Variants in ACSL4 observed in about 807,000 individuals in gnomAD.
ACSL4 encodes the protein long-chain-fatty-acid--CoA ligase 4.
A neutral mutation model predicts 49.1 loss-of-function variants in ACSL4; 9 were observed. The ratio of observed to expected loss-of-function variants is 0.18; its 90% CI spans 0.11 to 0.32. The LOEUF (loss-of-function observed/expected upper bound fraction) is 0.32. ACSL4 is among the 10% of genes least tolerant of loss of function. The probability of loss-of-function intolerance (pLI) is 1.00; values close to 1 mark genes in which losing one functional copy is unlikely to be tolerated. For missense variants in ACSL4, 333 were observed against 493.7 expected, an observed-to-expected ratio of 0.67 and a Z score of 3.08; for synonymous variants, 191 against 170.3, an observed-to-expected ratio of 1.12 and a Z score of -0.95.
At chrX:109,679,411 T>C (rs150334597) in intron 6 of ACSL4, among the ~76,000 whole-genome samples, 1,881 of 112,650 alleles carry the variant, frequency 0.017, 29 homozygotes, top group African/African-American at 0.057. Context: ...TAAAAATCTT[T>C]ACACAAATTA....
At chrX:109,699,383 A>G (rs887747391) in intron 1 of ACSL4, among the ~76,000 whole-genome samples, 3 of 112,578 alleles carry the variant, frequency 2.7e-5, no homozygotes, top group Non-Finnish European at 3.8e-5. Context: ...GAAAGTTTTT[A>G]GCATTTAATG....
intron 1 of ACSL4, among the ~76,000 whole-genome samples, chrX:109,700,206 T>TC (rs1321854677): frequency 9.2e-5 from 4 of 43,456 alleles, no homozygotes; most frequent in African/African-American, 4.3e-4. Context: ...AGACTCCGTC[T>TC]CAAAAAAAAA....
At chrX:109,644,248 G>A in intron 15 of ACSL4, 62 bp from the exon 16 acceptor site, 2 of 1,045,998 alleles carry the variant, frequency 1.9e-6, no homozygotes, top group Non-Finnish European at 2.6e-6. Flanking sequence ...AGAAAGGAGT[G>A]GGGACGGGGA....
intron 2 of ACSL4, 132 bp from the exon 3 acceptor site, chrX:109,683,507 G>C: frequency 1.7e-6 from 2 of 1,151,014 alleles, no homozygotes; most frequent in South Asian, 3.6e-5. Context: ...CTTCTAAAAT[G>C]GTGCTTATTT....
At chrX:109,730,823 C>T (rs757853983) in intron 1 of ACSL4, among the ~76,000 whole-genome samples, 7 of 111,600 alleles carry the variant, frequency 6.3e-5, no homozygotes, top group African/African-American at 2.3e-4. Flanking sequence ...CCCACCACCA[C>T]GCCTGGCTAA....
intron 9 of ACSL4, among the ~76,000 whole-genome samples, chrX:109,670,856 A>C (rs1923135108): frequency 8.9e-6 from 1 of 112,524 alleles, no homozygotes; most frequent in Non-Finnish European, 1.9e-5. Flanking sequence ...CCAGCTCCTG[A>C]CCGTGAGTGA....
intron 12 of ACSL4, 81 bp downstream of exon 12, chrX:109,665,339 C>A: frequency 1.1e-6 from 1 of 927,941 alleles, no homozygotes; most frequent in Non-Finnish European, 1.6e-6. Context: ...CTTCCCCAGA[C>A]TTTAAAGAAA....
rs188454056 is a variant in ACSL4, at chrX:109,700,773, G to A, written c.-65-4577C>T. 2.1e-4 allele frequency among the ~76,000 whole-genome samples: 23 copies of A among 111,070 alleles called. No homozygotes were observed. The East Asian group carries it at 3.1e-3, about 15-fold the overall frequency. On this transcript the variant is annotated intron_variant, in intron 1 of 15. Coordinates refer to ENST00000672401, the MANE Select transcript of ACSL4 (RefSeq NM_001318510.2). ...TTTAAAAATATTCAGGGCTGGGCAC[G>A]GTGGCTCATGCCTATAATCCCAGCA...
chrX:109,666,459 G>T (rs1922645218), intron 11 of ACSL4, among the ~76,000 whole-genome samples: 1 of 111,581 alleles, frequency 9.0e-6, no homozygotes, highest in Non-Finnish European at 1.9e-5. Context: ...AATGATGTTG[G>T]ATAAGTACAC....
intron 2 of ACSL4, among the ~76,000 whole-genome samples, chrX:109,685,269 AT>A (rs761499353): frequency 9.3e-6 from 1 of 108,027 alleles, no homozygotes; most frequent in Non-Finnish European, 1.9e-5. Flanking sequence ...GTTTTTTTCC[AT>A]TTTTTGTAGA....
At chrX:109,660,301 C>T (rs994908640) in intron 14 of ACSL4, among the ~76,000 whole-genome samples, 3 of 111,375 alleles carry the variant, frequency 2.7e-5, no homozygotes, top group African/African-American at 9.8e-5. Flanking sequence ...ATTTCTCCAG[C>T]GATAATATAT....
chrX:109,692,317 A>T (rs1603407597), intron 2 of ACSL4, among the ~76,000 whole-genome samples: 1 of 112,040 alleles, frequency 8.9e-6, no homozygotes, highest in Non-Finnish European at 1.9e-5. Context: ...ATAATTATAC[A>T]TCTATTCCTC....
At position 109,645,909 on chromosome X, in the gene ACSL4, T is replaced by A. The variant is rs756282780; in HGVS notation, c.1856-1723A>T. Among the ~76,000 whole-genome samples, 622 of 111,756 alleles carry A rather than the reference T, an allele frequency of 5.6e-3. 5 individuals carry two copies. The highest frequency in any genetic ancestry group is 0.017 in the African/African-American group (536 of 30,751). ...TCAGGAGCCGATGCGATCAACTGGATGAAAGGCTATCAATGATGGAAGATG... is the reference window on the plus strand; with the variant it reads ...TCAGGAGCCGATGCGATCAACTGGAAGAAAGGCTATCAATGATGGAAGATG... On this transcript the variant is annotated intron_variant, in intron 15 of 15. Coordinates refer to ENST00000672401, the MANE Select transcript of ACSL4 (RefSeq NM_001318510.2).
At chrX:109,671,140 G>A (rs939141750) in intron 9 of ACSL4, among the ~76,000 whole-genome samples, 1 of 108,058 alleles carries the variant, frequency 9.3e-6, no homozygotes, top group Admixed American at 9.7e-5. Flanking sequence ...GGGAAGTGAG[G>A]AGCGCCTCTT....
intron 15 of ACSL4, among the ~76,000 whole-genome samples, chrX:109,654,195 C>A (rs1450137731): frequency 9.1e-6 from 1 of 110,098 alleles, no homozygotes; most frequent in African/African-American, 3.3e-5. Context: ...TAAAATGATA[C>A]CGTAATTTTC....
chrX:109,686,590 A>C, intron 2 of ACSL4, among the ~76,000 whole-genome samples: 1 of 112,287 alleles, frequency 8.9e-6, no homozygotes, highest in Non-Finnish European at 1.9e-5. Context: ...GAAAATATAT[A>C]AAGAAACAGA....
chrX:109,684,230 C>A (rs1391622079), intron 2 of ACSL4, among the ~76,000 whole-genome samples: 1 of 112,395 alleles, frequency 8.9e-6, no homozygotes, highest in East Asian at 2.8e-4. Flanking sequence ...TCTACTATTT[C>A]CCACATGGGA....
At chrX:109,646,440 G>T (rs1348091744) in intron 15 of ACSL4, among the ~76,000 whole-genome samples, 1 of 106,270 alleles carries the variant, frequency 9.4e-6, no homozygotes, top group East Asian at 3.0e-4. Flanking sequence ...AAGTGAAGGA[G>T]AAATAAAATA....
At chrX:109,655,276 T>G (rs1921543333) in intron 15 of ACSL4, among the ~76,000 whole-genome samples, 1 of 111,105 alleles carries the variant, frequency 9.0e-6, no homozygotes, top group Non-Finnish European at 1.9e-5. Context: ...TAAAAAGGAT[T>G]CCTTTTAATA....
Sources: gnomAD v4.1 joint callset for allele counts (sites outside exome capture counted in the v4.1 genomes callset) on GRCh38, gnomAD v4.1.1 for gene constraint, MANE v1.5 for transcripts, NCBI Gene and HGNC (gene_info 2026-07-23, HGNC 2026-07-21) for gene names.